SMG6: variants seen among roughly 807,000 people sequenced by gnomAD.
SMG6 encodes SMG6 nonsense mediated mRNA decay factor.
Under a neutral mutation model 142.2 loss-of-function variants are expected in SMG6, and 66 were observed. The ratio of observed to expected loss-of-function variants is 0.46; its 90% CI spans 0.38 to 0.57. The LOEUF (loss-of-function observed/expected upper bound fraction) is 0.57, where lower values mean the gene tolerates loss of function less well. Ranked by LOEUF, SMG6 falls within the 20% of genes least tolerant of loss-of-function variation. SMG6 has a pLI of 0.00. For synonymous variants in SMG6, 779 were observed against 702.4 expected, an observed-to-expected ratio of 1.11 and a Z score of -1.72; for missense variants, 1,793 against 1,832.0, an observed-to-expected ratio of 0.98 and a Z score of 0.39.
At chr17:2,168,883 G>T (rs1358099447) in intron 13 of SMG6, among the ~76,000 whole-genome samples, 1 of 151,606 alleles carries the variant, frequency 6.6e-6, no homozygotes, top group East Asian at 2.0e-4. Flanking sequence ...CGAGTAGCTG[G>T]GATTACACGG....
rs747758113 is a variant in SMG6, at chr17:2,081,941, T to C, written c.3550A>G (p.Ile1184Val). 1.9e-6 allele frequency: 3 copies of C among 1,614,148 alleles called. No individual in the cohort carries two copies. The highest frequency in any genetic ancestry group is 2.5e-6 in the Non-Finnish European group (3 of 1,180,030). Residue 1184 changes from isoleucine (I) to valine (V), a missense_variant, in exon 15 of 19, where the codon ATT (isoleucine) becomes GTT (valine). By Grantham distance (29) the Ile-to-Val change is conservative. Around this residue, in one of 3 missense-constraint regions of SMG6, gnomAD observed 1,597 missense variants for 1,584.6 expected, o/e 1.01. Transcript: ENST00000263073. ...TCTGAATCTTCCTCAAAGTCTTCAA[T>C]CACCACATCCTCCTCCTTTGGGTGG... ...RLEDEEEDVV[I>V]EDFEEDSEAE... is the part of the protein sequence containing the mutation.
intron 15 of SMG6, among the ~76,000 whole-genome samples, chr17:2,073,601 C>T (rs907738317): frequency 2.7e-5 from 4 of 146,970 alleles, no homozygotes; most frequent in African/African-American, 7.6e-5. Flanking sequence ...CCCAGCTACT[C>T]GGGAGGCTGA....
chr17:2,177,748 G>A (rs2151665917), intron 12 of SMG6, among the ~76,000 whole-genome samples: 1 of 152,330 alleles, frequency 6.6e-6, no homozygotes, highest in East Asian at 1.9e-4. Flanking sequence ...CTGGTTCCTG[G>A]AGTGAGGAGA....
At chr17:2,129,722 A>G (rs1349273350) in intron 13 of SMG6, among the ~76,000 whole-genome samples, 4 of 131,536 alleles carry the variant, frequency 3.0e-5, no homozygotes, top group Non-Finnish European at 4.7e-5. Context: ...TGAACCCAGG[A>G]GGTGGAGGTT....
At chr17:2,228,963 CA>C (rs1484322414) in intron 10 of SMG6, among the ~76,000 whole-genome samples, 3 of 152,108 alleles carry the variant, frequency 2.0e-5, no homozygotes, top group Non-Finnish European at 4.4e-5. Flanking sequence ...CCCCAGGCCA[CA>C]AAAAGTAGCA....
intron 13 of SMG6, among the ~76,000 whole-genome samples, chr17:2,151,496 C>T (rs2070824098): frequency 6.6e-6 from 1 of 152,156 alleles, no homozygotes; most frequent in African/African-American, 2.4e-5. Flanking sequence ...AGTCAGAGAG[C>T]CTTCACCAGG....
intron 7 of SMG6, 93 bp downstream of exon 7, chr17:2,283,532 T>A (rs367649950): frequency 3.0e-6 from 3 of 999,130 alleles, no homozygotes; most frequent in Non-Finnish European, 4.8e-6. Context: ...CCTCACTGGC[T>A]ACGATCCTGC....
intron 12 of SMG6, among the ~76,000 whole-genome samples, chr17:2,178,219 G>C (rs1231469495): frequency 2.0e-5 from 3 of 152,150 alleles, no homozygotes; most frequent in East Asian, 3.9e-4. Flanking sequence ...TGGAGATGGG[G>C]AGAATTCTAT....
intron 13 of SMG6, among the ~76,000 whole-genome samples, chr17:2,095,740 T>C (rs1217909587): frequency 6.6e-6 from 1 of 152,158 alleles, no homozygotes; most frequent in African/African-American, 2.4e-5. Flanking sequence ...GCTCCTTCAT[T>C]CCTTTCAGGC....
chr17:2,294,883 T>A (rs966415786), intron 4 of SMG6, among the ~76,000 whole-genome samples: 2 of 151,846 alleles, frequency 1.3e-5, no homozygotes, highest in African/African-American at 4.8e-5. Flanking sequence ...TAAACACTTT[T>A]TTTTTTTTTT....
chr17:2,297,796 G>A (rs1472708096), intron 3 of SMG6, 67 bp downstream of exon 3: 17 of 1,531,240 alleles, frequency 1.1e-5, no homozygotes, highest in Non-Finnish European at 1.3e-5. Context: ...ATTTCAGGTA[G>A]TAAAAATCCA....
intron 15 of SMG6, among the ~76,000 whole-genome samples, chr17:2,076,911 AG>A (rs1386848873): frequency 6.6e-6 from 1 of 152,156 alleles, no homozygotes; most frequent in Admixed American, 6.5e-5. Flanking sequence ...GCTGATCAGG[AG>A]AACAGGCAGC....
intron 9 of SMG6, among the ~76,000 whole-genome samples, chr17:2,242,665 T>A (rs1381781362): frequency 8.9e-6 from 1 of 112,522 alleles, no homozygotes; most frequent in African/African-American, 3.9e-5. Context: ...TCAGCCTGGG[T>A]AACACAGACA....
At chr17:2,298,136 T>A in intron 2 of SMG6, 81 bp from the exon 3 acceptor site, 1 of 1,292,164 alleles carries the variant, frequency 7.7e-7, no homozygotes, top group Non-Finnish European at 1.1e-6. Context: ...TCCTGCAAAT[T>A]AACCACCTCC....
chr17:2,170,018 C>T (rs182343463), intron 13 of SMG6, among the ~76,000 whole-genome samples: 1 of 152,046 alleles, frequency 6.6e-6, no homozygotes, highest in Non-Finnish European at 1.5e-5. Context: ...CCAAGAATAA[C>T]CCCAAGCATT....
intron 10 of SMG6, among the ~76,000 whole-genome samples, chr17:2,194,381 A>C (rs2072253689): frequency 6.6e-6 from 1 of 152,214 alleles, no homozygotes; most frequent in African/African-American, 2.4e-5. Flanking sequence ...AAAGGTAACA[A>C]TGAGGGAGAC....
intron 13 of SMG6, chr17:2,088,666 G>A (rs2068631320): frequency 2.0e-6 from 2 of 985,452 alleles, no homozygotes; most frequent in Non-Finnish European, 2.4e-6. Flanking sequence ...CAAGCAGCAG[G>A]GAGGATGGTC....
At chr17:2,249,095 G>C (rs957619275) in intron 8 of SMG6, among the ~76,000 whole-genome samples, 1 of 150,564 alleles carries the variant, frequency 6.6e-6, no homozygotes, top group African/African-American at 2.4e-5. Context: ...GGGTTTCACC[G>C]TGTTAGCCAG....
intron 1 of SMG6, chr17:2,303,021 ACGTGG>A: frequency 1.0e-6 from 1 of 985,456 alleles, no homozygotes; most frequent in Non-Finnish European, 1.2e-6. Flanking sequence ...TACTTTCCTG[ACGTGG>A]CTGGAGACTT....
Sources: gnomAD v4.1 joint callset for allele counts (sites outside exome capture counted in the v4.1 genomes callset) on GRCh38, gnomAD v4.1.1 for gene constraint, gnomAD v4.1.1 regional missense constraint, MANE v1.5 for transcripts, NCBI Gene and HGNC (gene_info 2026-07-23, HGNC 2026-07-21) for gene names.